The following AMPH variants were observed in gnomAD, a reference collection of about 807,000 sequenced individuals.
AMPH encodes amphiphysin (Stiff-Mann syndrome with breast cancer 128kD autoantigen).
A neutral mutation model predicts 99.1 loss-of-function variants in AMPH; 49 were observed. The observed-to-expected ratio is 0.49, with a 90% CI of 0.39 to 0.63. The LOEUF (loss-of-function observed/expected upper bound fraction) is 0.63, where lower values mean the gene tolerates loss of function less well. Ranked by LOEUF, AMPH falls within the 20% of genes least tolerant of loss-of-function variation. The pLI, the probability that AMPH is intolerant of heterozygous loss-of-function variation, is 0.00. For synonymous variants in AMPH, 314 were observed against 317.3 expected, an observed-to-expected ratio of 0.99 and a Z score of 0.11; for missense variants, 759 against 863.4, an observed-to-expected ratio of 0.88 and a Z score of 1.52.
At chr7:38,396,836 T>C (rs2024407) in intron 17 of AMPH, among the ~76,000 whole-genome samples, 19,498 of 152,292 alleles carry the variant, frequency 0.13, 1,613 homozygotes, top group Admixed American at 0.23. Flanking sequence ...AGCTTTATTG[T>C]CGGAGACATT....
At chr7:38,464,035 A>G (rs1787556723) in intron 9 of AMPH, 1 of 1,287,200 alleles carries the variant, frequency 7.8e-7, no homozygotes, top group Admixed American at 2.3e-5. Flanking sequence ...ATGGCCTCAG[A>G]TGGAAACATA....
chr7:38,443,454 G>A (rs149691487), intron 11 of AMPH, among the ~76,000 whole-genome samples: 2 of 152,026 alleles, frequency 1.3e-5, no homozygotes, highest in African/African-American at 4.8e-5. Flanking sequence ...TCTAGACCGA[G>A]CTTTAGCAAG....
At chr7:38,580,474 G>A (rs1450213419) in intron 1 of AMPH, among the ~76,000 whole-genome samples, 2 of 152,044 alleles carry the variant, frequency 1.3e-5, no homozygotes, top group Non-Finnish European at 2.9e-5. Flanking sequence ...CCAAACCCCT[G>A]TGGCCCACTC....
chr7:38,402,889 T>C lies in AMPH; in HGVS notation c.1399-8675A>G, dbSNP rs1292161571. Among the ~76,000 whole-genome samples, 4 of 152,230 alleles carry C rather than the reference T, an allele frequency of 2.6e-5. No homozygotes were observed. In the East Asian group the frequency reaches 7.7e-4, roughly 29 times the overall value. The stretch of plus-strand genomic sequence containing the variant: ...CTTTTTCTATATGCTGGGTTTTTTC[T>C]TTAAGAGTAAAATCATTAAAATGAA... On this transcript the variant is annotated intron_variant, in intron 17 of 20. Coordinates refer to ENST00000356264, the MANE Select transcript of AMPH (RefSeq NM_001635.4).
At chr7:38,464,966 A>G (rs1435161520) in intron 9 of AMPH, among the ~76,000 whole-genome samples, 1 of 152,194 alleles carries the variant, frequency 6.6e-6, no homozygotes, top group African/African-American at 2.4e-5. Context: ...CAATAAAACA[A>G]AAACAGCACA....
At chr7:38,421,855 T>C (rs752430503) in intron 16 of AMPH, among the ~76,000 whole-genome samples, 6 of 152,192 alleles carry the variant, frequency 3.9e-5, no homozygotes. Context: ...ATGTTTCCCA[T>C]CATAACTGCA....
At chr7:38,595,850 G>A (rs1793035018) in intron 1 of AMPH, among the ~76,000 whole-genome samples, 1 of 152,120 alleles carries the variant, frequency 6.6e-6, no homozygotes, top group Admixed American at 6.5e-5. Flanking sequence ...AATCCCTTTA[G>A]GGTATTGGCC....
chr7:38,445,504 T>C (rs1318078643), intron 11 of AMPH, among the ~76,000 whole-genome samples: 1 of 152,174 alleles, frequency 6.6e-6, no homozygotes. Context: ...AGACAGTATT[T>C]GCAAATCTTA....
intron 1 of AMPH, among the ~76,000 whole-genome samples, chr7:38,615,846 A>C (rs1365429992): frequency 6.6e-6 from 1 of 152,194 alleles, no homozygotes; most frequent in Non-Finnish European, 1.5e-5. Context: ...GTGGTTCTGT[A>C]GCAAGGGCTG....
chr7:38,631,121 G>C (rs1794446140), intron 1 of AMPH, among the ~76,000 whole-genome samples, 162 bp downstream of exon 1: 2 of 151,840 alleles, frequency 1.3e-5, no homozygotes, highest in Admixed American at 1.3e-4. Flanking sequence ...CCTTGCGGCA[G>C]TCACCGAGCT....
chr7:38,618,510 T>A (rs1358681367), intron 1 of AMPH, among the ~76,000 whole-genome samples: 1 of 143,506 alleles, frequency 7.0e-6, no homozygotes, highest in Admixed American at 6.8e-5. Context: ...AGACTCTGTC[T>A]CAAAAAAAAA....
intron 11 of AMPH, among the ~76,000 whole-genome samples, chr7:38,438,177 G>T (rs1786363531): frequency 6.6e-6 from 1 of 152,164 alleles, no homozygotes; most frequent in Non-Finnish European, 1.5e-5. Context: ...TTACACATAT[G>T]AACATTACCT....
chr7:38,451,326 C>CGTGTATATA (rs1787011975), intron 11 of AMPH, among the ~76,000 whole-genome samples: 1 of 146,616 alleles, frequency 6.8e-6, no homozygotes, highest in Non-Finnish European at 1.5e-5. Flanking sequence ...CACATATATA[C>CGTGTATATA]ACATGTATAT....
In AMPH at chr7:38,545,946, ATGGAAG is replaced by A. The variant is rs1790981419; in HGVS notation, c.70-10941_70-10936del. On this transcript the variant is annotated intron_variant, in intron 1 of 20. Coordinates refer to ENST00000356264, the MANE Select transcript of AMPH (RefSeq NM_001635.4). ...AATTATACATACATTGCAGGTTTGA[ATGGAAG>A]TTAAAAAATACAGGGGGGGATGATT... Among the ~76,000 whole-genome samples the A allele has an allele frequency of 5.3e-5, 8 of 152,378 alleles. No homozygotes were observed. In the South Asian group the frequency reaches 1.5e-3, roughly 28 times the overall value.
At chr7:38,465,084 C>T (rs938999809) in intron 9 of AMPH, among the ~76,000 whole-genome samples, 2 of 152,196 alleles carry the variant, frequency 1.3e-5, no homozygotes, top group East Asian at 1.9e-4. Flanking sequence ...TCAATGATAA[C>T]AATCAAGACA....
chr7:38,624,379 T>TTATTAGTATTAG (rs200479765), intron 1 of AMPH, among the ~76,000 whole-genome samples: 12 of 151,732 alleles, frequency 7.9e-5, no homozygotes, highest in African/African-American at 2.4e-4. Context: ...CTTATTATTA[T>TTATTAGTATTAG]TATTAGTATT....
intron 1 of AMPH, among the ~76,000 whole-genome samples, chr7:38,557,726 C>A (rs924884505): frequency 6.6e-6 from 1 of 152,064 alleles, no homozygotes; most frequent in Non-Finnish European, 1.5e-5. Context: ...AAAGGCCCTC[C>A]TCCATGGAAT....
intron 7 of AMPH, among the ~76,000 whole-genome samples, chr7:38,469,666 T>C (rs1405370204): frequency 2.0e-5 from 3 of 152,134 alleles, no homozygotes; most frequent in Non-Finnish European, 4.4e-5. Flanking sequence ...TATCAACCTC[T>C]CAGCAAGACT....
intron 13 of AMPH, among the ~76,000 whole-genome samples, chr7:38,431,872 G>A (rs1325828173): frequency 6.6e-6 from 1 of 151,962 alleles, no homozygotes; most frequent in Non-Finnish European, 1.5e-5. Context: ...CTATTTAAGT[G>A]TGTGTGTCCT....
Sources: gnomAD v4.1 joint callset for allele counts (sites outside exome capture counted in the v4.1 genomes callset) on GRCh38, gnomAD v4.1.1 for gene constraint, MANE v1.5 for transcripts, NCBI Gene and HGNC (gene_info 2026-07-23, HGNC 2026-07-21) for gene names.